The following SEPTIN8 variants were observed in gnomAD, a reference collection of about 807,000 sequenced individuals.
SEPTIN8 encodes the protein septin 8.
Under a neutral mutation model 53.1 loss-of-function variants are expected in SEPTIN8, and 22 were observed. The observed-to-expected ratio is 0.41, with a 90% CI of 0.30 to 0.59. The LOEUF is 0.59. Among genes scored for constraint, SEPTIN8 ranks in the 20% least tolerant of loss-of-function variants. The pLI, the probability that SEPTIN8 is intolerant of heterozygous loss-of-function variation, is 0.24. For missense variants in SEPTIN8, 536 were observed against 638.7 expected (o/e 0.84, Z 1.73); for synonymous variants, 228 against 248.4 (o/e 0.92, Z 0.77).
chr5:132,772,285 G>A (rs2150001622), intron 1 of SEPTIN8, among the ~76,000 whole-genome samples: 1 of 152,290 alleles, frequency 6.6e-6, no homozygotes, highest in East Asian at 1.9e-4. Context: ...ATCAAAATCA[G>A]ATTTCCAGGA....
chr5:132,751,160 T>A lies in SEPTIN8; in HGVS notation c.*856A>T. On this transcript the variant is annotated 3_prime_UTR_variant, in exon 10 of 10. Transcript: ENST00000378719. ...CATGACATACGGAAGAGTGAAAAGG[T>A]ATCTTAAATCCAACACAGTTCCACC... 1.5e-6 allele frequency: 1 copy of A among 668,236 alleles called. No homozygotes were observed. Among genetic ancestry groups the A allele is most frequent in the Non-Finnish European group, 2.4e-6 (1 of 423,936 alleles). 41.4% of individuals were successfully genotyped at this position (668,236 alleles called of 1,614,324 possible). A position where few individuals can be genotyped will look rare whatever the true frequency, so the allele number is the denominator to read the frequency against.
chr5:132,768,911 G>A (rs900669494), intron 1 of SEPTIN8, among the ~76,000 whole-genome samples: 8 of 152,184 alleles, frequency 5.3e-5, no homozygotes, highest in Non-Finnish European at 1.2e-4. Flanking sequence ...TAGTTGAGTG[G>A]TATTATCTAT....
chr5:132,771,703 A>G (rs39855), intron 1 of SEPTIN8, among the ~76,000 whole-genome samples: 54,361 of 152,138 alleles, frequency 0.36, 16,292 homozygotes, highest in African/African-American at 0.79. Flanking sequence ...TTAAATAGCC[A>G]GAGCAGAGGC....
At chr5:132,764,038 C>T (rs1005391839) in intron 3 of SEPTIN8, 146 bp from the exon 4 acceptor site, 121 of 977,524 alleles carry the variant, frequency 1.2e-4, no homozygotes, top group Non-Finnish European at 1.8e-4. Context: ...TGACTGGATA[C>T]AGGCAGCTGA....
intron 4 of SEPTIN8, among the ~76,000 whole-genome samples, 163 bp downstream of exon 4, chr5:132,763,543 A>G (rs1043536044): frequency 6.6e-6 from 1 of 152,118 alleles, no homozygotes; most frequent in Non-Finnish European, 1.5e-5. Context: ...CTGGAGCAGG[A>G]GGAACAGACG....
At chr5:132,762,393 G>T in intron 5 of SEPTIN8, 91 bp downstream of exon 5, 1 of 1,306,984 alleles carries the variant, frequency 7.7e-7, no homozygotes, top group Non-Finnish European at 1.1e-6. Flanking sequence ...CTGGAATCCT[G>T]GGGAACAAGA....
At chr5:132,755,945 A>G in intron 9 of SEPTIN8, 1 of 955,474 alleles carries the variant, frequency 1.0e-6, no homozygotes, top group Non-Finnish European at 1.2e-6. Flanking sequence ...TAGCAGATTA[A>G]TGGGCTCAGG....
chr5:132,779,158 A>G (rs1410276002), upstream of SEPTIN8, among the ~76,000 whole-genome samples: 4 of 152,334 alleles, frequency 2.6e-5, no homozygotes, highest in Admixed American at 2.6e-4. Context: ...ACAATGCCGA[A>G]ATTTCTCTCA....
chr5:132,775,124 G>A (rs746962419), intron 1 of SEPTIN8, among the ~76,000 whole-genome samples: 5 of 152,170 alleles, frequency 3.3e-5, no homozygotes, highest in Non-Finnish European at 7.4e-5. Context: ...GCCCTTGCCT[G>A]AGTCAGTCCC....
chr5:132,780,032 A>G (rs371748120), upstream of SEPTIN8, among the ~76,000 whole-genome samples: 2 of 152,174 alleles, frequency 1.3e-5, no homozygotes, highest in East Asian at 3.9e-4. Flanking sequence ...TCTTGCTCTC[A>G]TGGTCCAATA....
In SEPTIN8 at chr5:132,765,472, G is replaced by A. The variant is rs752187962; in HGVS notation, c.88C>T (p.Leu30Phe). ...SLGGHVGFDS[L>F]PDQLVSKSVT... ...GACTTGCTGACCAGCTGGTCGGGGA[G>A]GCTGTCGAAACCCACATGGCCGCCC... Residue 30 changes from leucine to phenylalanine, a missense_variant, in exon 2 of 10, where the codon CTC (leucine) becomes TTC (phenylalanine). Physicochemically the swap from Leu to Phe is conservative, Grantham distance 22. Coordinates refer to ENST00000378719, the MANE Select transcript of SEPTIN8 (RefSeq NM_001098811.2). 2 of 1,613,438 alleles carry A rather than the reference G, an allele frequency of 1.2e-6. No individual in the cohort carries two copies. Among genetic ancestry groups the A allele is most frequent in the Non-Finnish European group, 1.7e-6 (2 of 1,179,656 alleles).
intron 1 of SEPTIN8, among the ~76,000 whole-genome samples, chr5:132,770,209 A>C (rs1581188939): frequency 6.8e-6 from 1 of 147,402 alleles, no homozygotes; most frequent in East Asian, 2.0e-4. Context: ...TTTGAGACAC[A>C]GTCTGGCTCT....
intron 1 of SEPTIN8, among the ~76,000 whole-genome samples, chr5:132,766,052 C>G (rs150299286): frequency 6.6e-6 from 1 of 152,210 alleles, no homozygotes; most frequent in African/African-American, 2.4e-5. Flanking sequence ...CTCAGAGGAG[C>G]CTTCTCTATC....
intron 1 of SEPTIN8, among the ~76,000 whole-genome samples, chr5:132,767,453 A>T (rs762377597): frequency 1.1e-4 from 17 of 151,728 alleles, no homozygotes; most frequent in Non-Finnish European, 7.4e-5. Flanking sequence ...TACGTTCCAG[A>T]CCCCTCACTT....
chr5:132,771,438 C>T (rs1321015307), intron 1 of SEPTIN8, among the ~76,000 whole-genome samples: 2 of 152,176 alleles, frequency 1.3e-5, no homozygotes, highest in Non-Finnish European at 2.9e-5. Context: ...TCAGGCCTTC[C>T]AGAGTTCTCC....
Position 132,751,010 on chromosome 5 carries a change from G to C in SEPTIN8, c.*1006C>G, listed in dbSNP as rs1754799758. Reference sequence around the variant, plus strand: ...CTTCTTGACTATAGTGAGTAAGGAGGTGTTTACAGAGTCTACCCTAAACTC... The same window carrying C: ...CTTCTTGACTATAGTGAGTAAGGAGCTGTTTACAGAGTCTACCCTAAACTC... On this transcript the variant is annotated 3_prime_UTR_variant, in exon 10 of 10. Transcript: ENST00000378719. 6 of 1,611,096 alleles carry C rather than the reference G, an allele frequency of 3.7e-6. No homozygotes were observed. In the East Asian group the frequency reaches 1.3e-4, roughly 36 times the overall value.
At chr5:132,756,364 C>T in intron 9 of SEPTIN8, 2 of 983,044 alleles carry the variant, frequency 2.0e-6, no homozygotes, top group Non-Finnish European at 2.4e-6. Context: ...TCTCAATAGT[C>T]CCAATTTGGG....
intron 9 of SEPTIN8, chr5:132,758,432 C>G (rs534762956): frequency 6.3e-7 from 1 of 1,575,622 alleles, no homozygotes; most frequent in African/African-American, 1.4e-5. Flanking sequence ...TAGGGCACCA[C>G]GTGAGTTGCC....
At chr5:132,757,277 G>C (rs180754539) in intron 9 of SEPTIN8, 6 of 985,402 alleles carry the variant, frequency 6.1e-6, no homozygotes, top group Non-Finnish European at 7.2e-6. Flanking sequence ...ATTGTCACTA[G>C]AACCTGCTCT....
Sources: gnomAD v4.1 joint callset for allele counts (sites outside exome capture counted in the v4.1 genomes callset) on GRCh38, gnomAD v4.1.1 for gene constraint, MANE v1.5 for transcripts, NCBI Gene and HGNC (gene_info 2026-07-23, HGNC 2026-07-21) for gene names.